TOPAZ1: variants seen among roughly 807,000 people sequenced by gnomAD.
TOPAZ1 encodes testis and ovary specific TOPAZ 1.
In TOPAZ1, 66 loss-of-function variants were observed where a neutral mutation model predicts 172.2. That is an observed-to-expected ratio of 0.38 (90% CI 0.31 to 0.47). The LOEUF (loss-of-function observed/expected upper bound fraction) is 0.47, where lower values mean the gene tolerates loss of function less well. TOPAZ1 is among the 20% of genes least tolerant of loss of function. The pLI is 0.99. For synonymous variants in TOPAZ1, 681 were observed against 683.9 expected, an observed-to-expected ratio of 1.00 and a Z score of 0.07; for missense variants, 1,822 against 1,972.4, an observed-to-expected ratio of 0.92 and a Z score of 1.44.
At chr3:44,252,306 A>T (rs143305823) in intron 2 of TOPAZ1, among the ~76,000 whole-genome samples, 1 of 152,108 alleles carries the variant, frequency 6.6e-6, no homozygotes, top group African/African-American at 2.4e-5. Flanking sequence ...TCTAAATTCT[A>T]TGTTCTTATT....
chr3:44,325,705 G>A (rs570951748), intron 18 of TOPAZ1, among the ~76,000 whole-genome samples: 54 of 151,470 alleles, frequency 3.6e-4, no homozygotes, highest in African/African-American at 1.1e-3. Flanking sequence ...GTACAGTGGC[G>A]CAATCTCGGC....
intron 2 of TOPAZ1, among the ~76,000 whole-genome samples, chr3:44,254,025 G>T (rs1419608513): frequency 6.6e-6 from 1 of 152,164 alleles, no homozygotes; most frequent in Non-Finnish European, 1.5e-5. Flanking sequence ...TATAAATGTA[G>T]TTTTCATCTG....
intron 15 of TOPAZ1, among the ~76,000 whole-genome samples, chr3:44,307,755 G>A (rs372943001): frequency 4.6e-5 from 7 of 152,008 alleles, no homozygotes; most frequent in Non-Finnish European, 1.5e-5. Context: ...CAAAATTCAC[G>A]AAGTAAAAAG....
At chr3:44,336,588 A>C (rs1397073170), downstream of TOPAZ1, among the ~76,000 whole-genome samples, 1 of 152,026 alleles carries the variant, frequency 6.6e-6, no homozygotes, top group Non-Finnish European at 1.5e-5. Context: ...CCAGGAATAG[A>C]ATTAGAGGTG....
intron 18 of TOPAZ1, among the ~76,000 whole-genome samples, chr3:44,324,678 C>G (rs568609720): frequency 1.2e-3 from 184 of 152,136 alleles, no homozygotes; most frequent in Non-Finnish European, 1.8e-3. Context: ...AAATGCCATA[C>G]AAGTCACCCA....
chr3:44,261,284 A>G (rs980946695), intron 4 of TOPAZ1, among the ~76,000 whole-genome samples: 3 of 152,016 alleles, frequency 2.0e-5, no homozygotes, highest in Admixed American at 6.6e-5. Flanking sequence ...CAAGGCTTTT[A>G]TAGTTTTGGG....
In TOPAZ1 at chr3:44,321,125, G is replaced by T; in HGVS notation, c.4405G>T (p.Ala1469Ser). Residue 1469 changes from alanine to serine, a missense_variant, in exon 17 of 20, where the codon GCC (alanine) becomes TCC (serine). By Grantham distance (99) the Ala-to-Ser change is moderately conservative. Around this residue, in one of 2 missense-constraint regions of TOPAZ1, gnomAD observed 333 missense variants for 481.7 expected, o/e 0.69. Transcript: ENST00000309765. ...LLCTIAHEIL[A>S]KSLYRQTFEV... ...CTGTACAATTGCACATGAAATCTTA[G>T]CCAAGAGCCTTTATAGACAGACATT... 6.4e-7 allele frequency: 1 copy of T among 1,550,634 alleles called. No individual in the cohort carries two copies. Among genetic ancestry groups the T allele is most frequent in the South Asian group, 1.2e-5 (1 of 83,860 alleles).
At chr3:44,315,692 C>T (rs1241818368) in intron 16 of TOPAZ1, among the ~76,000 whole-genome samples, 4 of 151,868 alleles carry the variant, frequency 2.6e-5, no homozygotes, top group Admixed American at 2.0e-4. Context: ...CAATCAGTGG[C>T]TGGATCTTCC....
At chr3:44,249,194 T>C (rs911814782) in intron 2 of TOPAZ1, among the ~76,000 whole-genome samples, 1 of 150,962 alleles carries the variant, frequency 6.6e-6, no homozygotes, top group African/African-American at 2.4e-5. Flanking sequence ...ATTGTTGAGA[T>C]TTTAAGAGTC....
At chr3:44,245,445 A>G (rs1029816617) in intron 2 of TOPAZ1, among the ~76,000 whole-genome samples, 174 bp downstream of exon 2, 1 of 151,742 alleles carries the variant, frequency 6.6e-6, no homozygotes, top group Non-Finnish European at 1.5e-5. Context: ...TCATTATGCT[A>G]AAACTTAGAG....
At chr3:44,250,769 C>G (rs992558337) in intron 2 of TOPAZ1, among the ~76,000 whole-genome samples, 2 of 152,170 alleles carry the variant, frequency 1.3e-5, no homozygotes, top group African/African-American at 4.8e-5. Flanking sequence ...TTTAAAGTAG[C>G]AGGTGGGGAC....
At position 44,305,143 on chromosome 3, in the gene TOPAZ1, A is replaced by G. The variant is rs774894170; in HGVS notation, c.3865-4A>G. ...TTTTGTTTTGTTTTTAATAATTTTGATAGCATTGTAAAGAAAAAGGTGACT... is the reference window on the plus strand; with the variant it reads ...TTTTGTTTTGTTTTTAATAATTTTGGTAGCATTGTAAAGAAAAAGGTGACT... On this transcript the variant is annotated splice_polypyrimidine_tract_variant and splice_region_variant and intron_variant, in intron 13 of 19. Coordinates refer to ENST00000309765, the MANE Select transcript of TOPAZ1 (RefSeq NM_001145030.2). The G allele has an allele frequency of 2.0e-6, 3 of 1,487,712 alleles. No individual in the cohort carries two copies. Among genetic ancestry groups the G allele is most frequent in the Non-Finnish European group, 1.8e-6 (2 of 1,117,302 alleles). The allele number at this position is 1,487,712 out of a possible 1,614,324, so 92.2% of individuals were successfully genotyped here. A position where few individuals can be genotyped will look rare whatever the true frequency, so the allele number is the denominator to read the frequency against.
intron 11 of TOPAZ1, among the ~76,000 whole-genome samples, chr3:44,289,338 G>C (rs978057577): frequency 1.3e-5 from 2 of 152,158 alleles, no homozygotes; most frequent in Non-Finnish European, 2.9e-5. Context: ...TATTTGTTAA[G>C]GTAGTGGATT....
chr3:44,253,320 A>C (rs1699657119), intron 2 of TOPAZ1, among the ~76,000 whole-genome samples: 1 of 152,208 alleles, frequency 6.6e-6, no homozygotes, highest in South Asian at 2.1e-4. Context: ...ATTTGATCAC[A>C]TTTACTTTTA....
intron 16 of TOPAZ1, among the ~76,000 whole-genome samples, chr3:44,311,923 C>T (rs1465035076): frequency 6.6e-6 from 1 of 152,080 alleles, no homozygotes; most frequent in East Asian, 1.9e-4. Context: ...TAGACATTCA[C>T]AGAGGTTGTC....
chr3:44,252,267 C>T lies in TOPAZ1; in HGVS notation c.2766-2701C>T, dbSNP rs149131637. ...TCACTTAGTTCTGTTCATGTTATTA[C>T]CTCAATATCTCTCATGGCTGTTCCT... On this transcript the variant is annotated intron_variant, in intron 2 of 19. Coordinates refer to ENST00000309765, the MANE Select transcript of TOPAZ1 (RefSeq NM_001145030.2). Among the ~76,000 whole-genome samples the T allele has an allele frequency of 3.9e-3, 601 of 152,282 alleles. 1 individual carries two copies. The highest frequency in any genetic ancestry group is 0.013 in the African/African-American group (542 of 41,556).
chr3:44,242,775 A>C, intron 1 of TOPAZ1, 78 bp from the exon 2 acceptor site: 1 of 1,185,200 alleles, frequency 8.4e-7, no homozygotes, highest in Non-Finnish European at 1.2e-6. Context: ...ATAGCCTCAC[A>C]ATTTTTAATT....
chr3:44,268,363 ATTCTTT>A (rs1699854811), intron 6 of TOPAZ1, among the ~76,000 whole-genome samples: 1 of 91,758 alleles, frequency 1.1e-5, no homozygotes, highest in African/African-American at 4.0e-5. Flanking sequence ...TGTGGTGCCT[ATTCTTT>A]TTTTTTTTTT....
At chr3:44,270,889 G>A in intron 8 of TOPAZ1, 79 bp downstream of exon 8, 1 of 1,329,732 alleles carries the variant, frequency 7.5e-7, no homozygotes, top group African/African-American at 1.5e-5. Context: ...GATTTTCATT[G>A]ACTCCTAATA....
Sources: allele counts gnomAD v4.1 joint callset (sites outside exome capture counted in the v4.1 genomes callset), GRCh38; gene constraint gnomAD v4.1.1; regional missense constraint gnomAD v4.1.1; transcripts MANE v1.5; gene names NCBI Gene and HGNC (gene_info 2026-07-23, HGNC 2026-07-21).